Variants in TTC1 observed in about 807,000 individuals in gnomAD.
TTC1 encodes tetratricopeptide repeat protein 1.
A neutral mutation model predicts 37.6 loss-of-function variants in TTC1; 31 were observed. The observed-to-expected ratio is 0.82, with a 90% CI of 0.62 to 1.11. TTC1 has a LOEUF of 1.11. TTC1 is among the 50% of genes most tolerant of loss of function. The probability of loss-of-function intolerance (pLI) is 0.00; values close to 1 mark genes in which losing one functional copy is unlikely to be tolerated. For missense variants in TTC1, 351 were observed against 339.0 expected (o/e 1.04, Z -0.28); for synonymous variants, 127 against 122.4 (o/e 1.04, Z -0.25).
chr5:160,043,295 A>G, intron 5 of TTC1, 126 bp downstream of exon 5: 1 of 848,540 alleles, frequency 1.2e-6, no homozygotes, highest in Non-Finnish European at 1.8e-6. Context: ...AGGCAACTTT[A>G]TAATTATTTT....
rs566986637 is a variant in TTC1, at chr5:160,023,428, A to G, written c.331-11712A>G. On this transcript the variant is annotated intron_variant, in intron 2 of 7. Transcript: ENST00000231238. ...CCCCTCAGCCTCCCAAATAGCTGGG[A>G]CTACAGGCATAAGCCACCACGCCCA... 1.8e-4 allele frequency among the ~76,000 whole-genome samples: 27 copies of G among 152,010 alleles called. No individual in the cohort carries two copies. The East Asian group carries it at 5.3e-3, about 30-fold the overall frequency.
chr5:160,059,924 A>G (rs1459700776), intron 7 of TTC1, among the ~76,000 whole-genome samples: 4 of 152,250 alleles, frequency 2.6e-5, no homozygotes, highest in Non-Finnish European at 5.9e-5. Flanking sequence ...CAGGATTACC[A>G]CACATCTTCA....
intron 2 of TTC1, among the ~76,000 whole-genome samples, chr5:160,025,677 G>A (rs539075689): frequency 1.3e-5 from 2 of 152,304 alleles, no homozygotes; most frequent in South Asian, 4.1e-4. Context: ...TCTACTTCCT[G>A]CAAACAATTC....
intron 6 of TTC1, among the ~76,000 whole-genome samples, chr5:160,050,576 C>T (rs1757375325): frequency 6.6e-6 from 1 of 151,630 alleles, no homozygotes; most frequent in Non-Finnish European, 1.5e-5. Flanking sequence ...TATTGATGCC[C>T]TCCTTTAGTG....
At chr5:160,035,938 T>G (rs1379698909) in intron 3 of TTC1, among the ~76,000 whole-genome samples, 1 of 150,748 alleles carries the variant, frequency 6.6e-6, no homozygotes, top group African/African-American at 2.5e-5. Context: ...TATTACCTGA[T>G]TTCAGATTTT....
intron 2 of TTC1, among the ~76,000 whole-genome samples, chr5:160,021,508 A>C (rs2139575): frequency 0.084 from 12,859 of 152,242 alleles, 713 homozygotes; most frequent in Admixed American, 0.18. Context: ...TTAAGAAACA[A>C]GGGACTATTT....
intron 4 of TTC1, among the ~76,000 whole-genome samples, chr5:160,042,191 A>G (rs559671257): frequency 1.3e-3 from 198 of 152,348 alleles, no homozygotes; most frequent in Admixed American, 3.5e-3. Flanking sequence ...TGGTCCTCCA[A>G]AATGCTGGGA....
At chr5:160,017,091 G>A (rs1038282556) in intron 2 of TTC1, among the ~76,000 whole-genome samples, 2 of 152,212 alleles carry the variant, frequency 1.3e-5, no homozygotes, top group African/African-American at 4.8e-5. Context: ...TGGAATTTTA[G>A]CTAACATTTG....
chr5:160,036,927 T>A (rs1374242648), intron 4 of TTC1, 124 bp downstream of exon 4: 4 of 626,998 alleles, frequency 6.4e-6, no homozygotes, highest in African/African-American at 1.8e-5. Context: ...TATATTTCCC[T>A]GATGTAAAGG....
intron 7 of TTC1, among the ~76,000 whole-genome samples, chr5:160,051,860 A>G (rs1757411885): frequency 6.6e-6 from 1 of 152,236 alleles, no homozygotes; most frequent in Admixed American, 6.5e-5. Context: ...AAGATCTGCC[A>G]TGTATTTTCC....
At chr5:160,061,088 C>T (rs59939934) in intron 7 of TTC1, among the ~76,000 whole-genome samples, 12,451 of 152,280 alleles carry the variant, frequency 0.082, 704 homozygotes, top group Admixed American at 0.18. Flanking sequence ...GGCTGACGGG[C>T]CTGGCTCAGG....
chr5:160,051,099 A>G (rs1409259074), intron 6 of TTC1, 30 bp from the exon 7 acceptor site: 2 of 1,388,410 alleles, frequency 1.4e-6, no homozygotes, highest in Non-Finnish European at 9.6e-7. Flanking sequence ...TTTTTTTTTT[A>G]CCAACCCTTG....
chr5:160,025,114 G>C (rs1640888759), intron 2 of TTC1, among the ~76,000 whole-genome samples: 1 of 152,218 alleles, frequency 6.6e-6, no homozygotes, highest in African/African-American at 2.4e-5. Flanking sequence ...TGCAACCTCT[G>C]CCTCCCAGGT....
At chr5:160,056,973 C>G (rs1757562583) in intron 7 of TTC1, among the ~76,000 whole-genome samples, 1 of 152,034 alleles carries the variant, frequency 6.6e-6, no homozygotes, top group South Asian at 2.1e-4. Flanking sequence ...TACAGAAACC[C>G]AGTCTTTTTT....
chr5:160,027,016 G>T (rs1424234693), intron 2 of TTC1, among the ~76,000 whole-genome samples: 1 of 150,594 alleles, frequency 6.6e-6, no homozygotes, highest in Admixed American at 6.6e-5. Context: ...AGTTTTTCGG[G>T]ATTCTTTTTT....
At chr5:160,042,932 G>A (rs974187032) in intron 4 of TTC1, among the ~76,000 whole-genome samples, 1 of 152,158 alleles carries the variant, frequency 6.6e-6, no homozygotes, top group Admixed American at 6.6e-5. Context: ...TTACCAGGAG[G>A]CCTTCAGATC....
Position 160,010,808 on chromosome 5 carries a change from G to A in TTC1, c.280G>A (p.Glu94Lys). Reference sequence around the variant, plus strand: ...AGATGTGAATTCCTCTGAACTAGATGAAGAATACCTAATAGAACTGGAAAA... The same window carrying A: ...AGATGTGAATTCCTCTGAACTAGATAAAGAATACCTAATAGAACTGGAAAA... ...NEDVNSSELD[E>K]EYLIELEKNM... Residue 94 changes from glutamate to lysine, a missense_variant, in exon 2 of 8, where the codon GAA (glutamate) becomes AAA (lysine). Coordinates refer to ENST00000231238, the MANE Select transcript of TTC1 (RefSeq NM_003314.3). The A allele has an allele frequency of 6.2e-7, 1 of 1,614,148 alleles. No homozygotes were observed. The highest frequency in any genetic ancestry group is 8.5e-7 in the Non-Finnish European group (1 of 1,180,014).
chr5:160,035,263 GTGAAGAAACCCCAAAGAACATC>G, intron 3 of TTC1, 63 bp downstream of exon 3: 2 of 1,357,976 alleles, frequency 1.5e-6, no homozygotes, highest in South Asian at 1.5e-5. Context: ...TGTAGAGTCT[GTGAAGAAACCCCAAAGAACATC>G]TGAAGAAACC....
chr5:160,024,128 C>CT, intron 2 of TTC1: 1 of 648,794 alleles, frequency 1.5e-6, no homozygotes, highest in Non-Finnish European at 2.7e-6. Flanking sequence ...TAGCACAGTG[C>CT]CTACACATTC....
Sources: gnomAD v4.1 joint callset for allele counts (sites outside exome capture counted in the v4.1 genomes callset) on GRCh38, gnomAD v4.1.1 for gene constraint, MANE v1.5 for transcripts, NCBI Gene and HGNC (gene_info 2026-07-23, HGNC 2026-07-21) for gene names.